Variants in SLC71A1 observed in about 807,000 individuals in gnomAD.
SLC71A1 encodes hippocampus abundant gene transcript 1.
At chr1:100,068,492 A>G in the SLC71A1 span, 3 of 1,612,912 alleles carry the variant, frequency 1.9e-6, no homozygotes, top group South Asian at 3.3e-5. Flanking sequence ...AAAGTCGGCC[A>G]AGATTCCATA....
At chr1:100,062,648 TAA>T in the SLC71A1 span, among the ~76,000 whole-genome samples, 2 of 152,184 alleles carry the variant, frequency 1.3e-5, no homozygotes, top group Admixed American at 1.3e-4. Context: ...TACCTTGTGA[TAA>T]ATAAGGACTG....
chr1:100,049,983 A>G, the SLC71A1 span: 37 of 1,594,172 alleles, frequency 2.3e-5, no homozygotes, highest in South Asian at 3.9e-4. Context: ...CTTGGGGACT[A>G]TTGACAGCAC....
the SLC71A1 span, chr1:100,058,572 T>C: frequency 1.4e-6 from 1 of 704,726 alleles, no homozygotes; most frequent in South Asian, 1.7e-5. Flanking sequence ...TAAATCAGAT[T>C]GTAGTATGAA....
At chr1:100,053,900 G>C in the SLC71A1 span, among the ~76,000 whole-genome samples, 1 of 152,090 alleles carries the variant, frequency 6.6e-6, no homozygotes, top group Non-Finnish European at 1.5e-5. Context: ...TGAATATATG[G>C]TTGGTCATAG....
the SLC71A1 span, among the ~76,000 whole-genome samples, chr1:100,054,994 G>A: frequency 1.3e-5 from 2 of 152,136 alleles, no homozygotes; most frequent in South Asian, 2.1e-4. Flanking sequence ...AAAGGATGCC[G>A]TGTATAAAAT....
At chr1:100,049,894 T>C in the SLC71A1 span, 1 of 1,421,614 alleles carries the variant, frequency 7.0e-7, no homozygotes, top group Non-Finnish European at 9.7e-7. Context: ...TTTTAAAAAA[T>C]CTTGTTTTTT....
the SLC71A1 span, chr1:100,068,622 C>A: frequency 8.9e-7 from 1 of 1,124,052 alleles, no homozygotes; most frequent in Non-Finnish European, 1.3e-6. Context: ...ACTTTTCTTT[C>A]ATTGTCTAGT....
At chr1:100,074,836 C>T in the SLC71A1 span, among the ~76,000 whole-genome samples, 1 of 152,092 alleles carries the variant, frequency 6.6e-6, no homozygotes, top group African/African-American at 2.4e-5. Flanking sequence ...GATTGTGACA[C>T]TGCACTCTAG....
the SLC71A1 span, chr1:100,069,532 T>A: frequency 1.3e-6 from 1 of 794,258 alleles, no homozygotes; most frequent in African/African-American, 1.7e-5. Context: ...CATTAAATGT[T>A]AATATACAAG....
chr1:100,045,813 A>AAAAT, the SLC71A1 span, among the ~76,000 whole-genome samples: 51,651 of 151,200 alleles, frequency 0.34, 10,009 homozygotes, highest in East Asian at 0.58. Flanking sequence ...ACTCTGTCTC[A>AAAAT]AAATAAATAA....
At chr1:100,038,243 G>A in the SLC71A1 span, 24 of 1,558,372 alleles carry the variant, frequency 1.5e-5, no homozygotes, top group Non-Finnish European at 2.1e-5. Context: ...ATGACCCAGG[G>A]GAAGAAGAAG....
the SLC71A1 span, chr1:100,038,205 A>C: frequency 6.5e-7 from 1 of 1,545,432 alleles, no homozygotes; most frequent in Non-Finnish European, 8.8e-7. Context: ...GAGTGGCTGC[A>C]GCAGCGCCAG....
chr1:100,063,861 T>C, the SLC71A1 span, among the ~76,000 whole-genome samples: 2 of 152,112 alleles, frequency 1.3e-5, no homozygotes, highest in African/African-American at 4.8e-5. Context: ...AAGAAATGGC[T>C]ACCAAGTGGA....
the SLC71A1 span, among the ~76,000 whole-genome samples, chr1:100,051,033 C>T: frequency 6.7e-6 from 1 of 149,702 alleles, no homozygotes; most frequent in Admixed American, 6.7e-5. Context: ...TGTAGTGACC[C>T]GATATCGTGC....
At chr1:100,054,761 C>A in the SLC71A1 span, among the ~76,000 whole-genome samples, 3 of 152,168 alleles carry the variant, frequency 2.0e-5, no homozygotes, top group East Asian at 5.8e-4. Context: ...AAAAGTGTTA[C>A]ATTTTCTCTG....
chr1:100,043,638 T>C, the SLC71A1 span, among the ~76,000 whole-genome samples: 1 of 151,592 alleles, frequency 6.6e-6, no homozygotes, highest in East Asian at 1.9e-4. Flanking sequence ...TTTTTAGTGA[T>C]GATTTCTGAG....
chr1:100,059,153 T>G, the SLC71A1 span, among the ~76,000 whole-genome samples: 3 of 130,206 alleles, frequency 2.3e-5, no homozygotes, highest in Non-Finnish European at 3.2e-5. Context: ...TGTTTTTTTT[T>G]TTTTTTTTTT....
chr1:100,071,783 C>G, the SLC71A1 span, among the ~76,000 whole-genome samples: 32 of 152,192 alleles, frequency 2.1e-4, no homozygotes, highest in East Asian at 6.2e-3. Context: ...GTGGAGGGTG[C>G]TTTTGAGGGT....
chr1:100,061,132 T>C, the SLC71A1 span, among the ~76,000 whole-genome samples: 1 of 152,192 alleles, frequency 6.6e-6, no homozygotes, highest in African/African-American at 2.4e-5. Flanking sequence ...GGTGGAATGA[T>C]ATTTTGAAAG....
Sources: allele counts gnomAD v4.1 joint callset (sites outside exome capture counted in the v4.1 genomes callset), GRCh38; gene constraint gnomAD v4.1.1; transcripts MANE v1.5; gene names NCBI Gene and HGNC (gene_info 2026-07-23, HGNC 2026-07-21).